The following PCSK5 variants were observed in gnomAD, a reference collection of about 807,000 sequenced individuals.
PCSK5 encodes prohormone convertase 5.
Under a neutral mutation model 233.2 loss-of-function variants are expected in PCSK5, and 129 were observed. The observed-to-expected ratio is 0.55, with a 90% CI of 0.48 to 0.64. The LOEUF (loss-of-function observed/expected upper bound fraction) is 0.64, where lower values mean the gene tolerates loss of function less well. PCSK5 is among the 30% of genes least tolerant of loss of function. The pLI, the probability that PCSK5 is intolerant of heterozygous loss-of-function variation, is 0.00. For missense variants in PCSK5, 2,076 were observed against 2,430.1 expected (o/e 0.85, Z 3.06); for synonymous variants, 825 against 879.2 (o/e 0.94, Z 1.09).
intron 24 of PCSK5, among the ~76,000 whole-genome samples, chr9:76,253,362 T>G (rs1040954677): frequency 3.9e-5 from 6 of 152,170 alleles, no homozygotes; most frequent in Non-Finnish European, 8.8e-5. Flanking sequence ...TAAACAGTTC[T>G]GTCTTTAAAA....
intron 3 of PCSK5, 90 bp from the exon 4 acceptor site, chr9:76,023,647 AG>A: frequency 2.5e-6 from 3 of 1,209,378 alleles, no homozygotes; most frequent in Non-Finnish European, 3.5e-6. Flanking sequence ...TGGGCAGCAG[AG>A]AAAAAAAAAA....
At position 76,073,887 on chromosome 9, in the gene PCSK5, T is replaced by A. The variant is rs1830558875; in HGVS notation, c.894+1989T>A. On this transcript the variant is annotated intron_variant, in intron 7 of 37. Coordinates refer to ENST00000674117, the MANE Select transcript of PCSK5 (RefSeq NM_001372043.1). ...AACTGGAAGCTTAGTGTGTAAAAAA[T>A]TAAAAATATGGTACTTTGGTTAAAA... Among the ~76,000 whole-genome samples the A allele has an allele frequency of 3.9e-5, 6 of 151,932 alleles. No individual in the cohort carries two copies. The South Asian group carries it at 1.2e-3, about 32-fold the overall frequency.
At chr9:76,114,177 G>C (rs967789729) in intron 9 of PCSK5, among the ~76,000 whole-genome samples, 3 of 152,036 alleles carry the variant, frequency 2.0e-5, no homozygotes, top group Non-Finnish European at 4.4e-5. Context: ...AGAATTAAAA[G>C]AAAACAAGGG....
At chr9:76,293,897 C>T (rs943296258) in intron 25 of PCSK5, among the ~76,000 whole-genome samples, 1 of 152,172 alleles carries the variant, frequency 6.6e-6, no homozygotes, top group Non-Finnish European at 1.5e-5. Flanking sequence ...GAGTGAAATG[C>T]CTTACAATAG....
rs1053737245 is a variant in PCSK5, at chr9:76,224,447, A to T, written c.2627-3056A>T. Among the ~76,000 whole-genome samples, 10 of 152,290 alleles carry T rather than the reference A, an allele frequency of 6.6e-5. No homozygotes were observed. The East Asian group carries it at 1.9e-3, about 29-fold the overall frequency. On this transcript the variant is annotated intron_variant, in intron 20 of 37. Transcript: ENST00000674117. Reference sequence around the variant, plus strand: ...AAAAAAAAGCCAAGGGAACTCAGACATCTTATTGCAAATGAGGAGGTGATG... The same window carrying T: ...AAAAAAAAGCCAAGGGAACTCAGACTTCTTATTGCAAATGAGGAGGTGATG...
intron 35 of PCSK5, 54 bp downstream of exon 35, chr9:76,338,501 C>T: frequency 7.5e-7 from 1 of 1,325,652 alleles, no homozygotes; most frequent in Middle Eastern, 1.8e-4. Context: ...AAAAGGTTTT[C>T]TTCCTTATTT....
In PCSK5 at chr9:76,353,329, A is replaced by G. The variant is rs75824254; in HGVS notation, c.5068-704A>G. Among the ~76,000 whole-genome samples, 755 of 152,310 alleles carry G rather than the reference A, an allele frequency of 5.0e-3. 9 individuals are homozygous for G. The highest frequency in any genetic ancestry group is 0.017 in the African/African-American group (690 of 41,556). On this transcript the variant is annotated intron_variant, in intron 36 of 37. Transcript: ENST00000674117. ...CTTCTCATCTCTCCACTCTCTTCCC[A>G]AAGAGATTTAACTACTTGAGCTACA...
intron 24 of PCSK5, chr9:76,287,354 C>T (rs1828110301): frequency 4.8e-6 from 1 of 209,148 alleles, no homozygotes. Flanking sequence ...GTGGCTTTCC[C>T]CAGCAGGCCA....
intron 24 of PCSK5, among the ~76,000 whole-genome samples, chr9:76,268,866 A>G (rs763285367): frequency 2.0e-5 from 3 of 152,216 alleles, no homozygotes; most frequent in Non-Finnish European, 4.4e-5. Flanking sequence ...AAAACAAAAA[A>G]CAAAAACAAA....
chr9:75,981,985 A>C (rs1355029694), intron 2 of PCSK5, among the ~76,000 whole-genome samples: 5 of 152,208 alleles, frequency 3.3e-5, no homozygotes, highest in Non-Finnish European at 5.9e-5. Flanking sequence ...TTATCTCTGT[A>C]TCCAGCCACT....
At chr9:76,041,502 T>C (rs1829114321) in intron 5 of PCSK5, among the ~76,000 whole-genome samples, 1 of 152,250 alleles carries the variant, frequency 6.6e-6, no homozygotes, top group Non-Finnish European at 1.5e-5. Flanking sequence ...GTTTTGCCTC[T>C]GTCTTCAAAC....
intron 24 of PCSK5, among the ~76,000 whole-genome samples, chr9:76,267,404 T>C (rs1412670217): frequency 6.6e-6 from 1 of 152,210 alleles, no homozygotes; most frequent in Non-Finnish European, 1.5e-5. Context: ...ATTGTTAGCC[T>C]GCTTTCTACT....
intron 36 of PCSK5, 132 bp downstream of exon 36, chr9:76,351,060 T>G: frequency 3.5e-6 from 2 of 572,440 alleles, no homozygotes; most frequent in East Asian, 6.1e-5. Context: ...ATGTTTAGTA[T>G]TTTAAAACCT....
chr9:76,275,997 T>G (rs1334025624), intron 24 of PCSK5, among the ~76,000 whole-genome samples: 2 of 152,340 alleles, frequency 1.3e-5, no homozygotes, highest in South Asian at 4.1e-4. Flanking sequence ...AAGTGTTTAT[T>G]ACTTCTAAGT....
rs139928305 is a variant in PCSK5 at position 76,189,208 on chromosome 9, A to G, written c.2495A>G (p.Tyr832Cys). 1 of 1,612,860 alleles carries G rather than the reference A, an allele frequency of 6.2e-7. No homozygotes were observed. Among genetic ancestry groups the G allele is most frequent in the Non-Finnish European group, 8.5e-7 (1 of 1,179,754 alleles). ...TTTGACCACTCTTCAGAGAATGGAT[A>G]CAAATCCTGCAAAAAGTAAGTGGAT... ...YYFDHSSENG[Y>C]KSCKKCDISC... Residue 832 changes from tyrosine (Y) to cysteine (C), a missense_variant, in exon 19 of 38, where the codon TAC becomes TGC. Physicochemically the swap from Tyr to Cys is radical, Grantham distance 194 (BLOSUM62 -2). This residue lies in a region of PCSK5 where 1,510 missense variants were observed against 1,538.1 expected (regional missense o/e 0.98). Transcript: ENST00000674117.
intron 16 of PCSK5, among the ~76,000 whole-genome samples, chr9:76,183,428 C>T (rs565267710): frequency 1.3e-5 from 2 of 152,310 alleles, no homozygotes; most frequent in African/African-American, 2.4e-5. Context: ...AACACATTTA[C>T]AGTGCTTAAT....
chr9:76,076,149 C>T (rs1830637645), intron 7 of PCSK5, among the ~76,000 whole-genome samples: 1 of 152,062 alleles, frequency 6.6e-6, no homozygotes, highest in Non-Finnish European at 1.5e-5. Flanking sequence ...GCAGAAGGAA[C>T]AGAAAGAGCA....
chr9:75,951,248 A>G lies in PCSK5; in HGVS notation c.297+18765A>G, dbSNP rs188785110. Among the ~76,000 whole-genome samples, 634 of 152,360 alleles carry G rather than the reference A, an allele frequency of 4.2e-3. 2 individuals carry two copies. The highest frequency in any genetic ancestry group is 6.2e-3 in the Non-Finnish European group (422 of 68,028). On this transcript the variant is annotated intron_variant, in intron 2 of 37. Coordinates refer to ENST00000674117, the MANE Select transcript of PCSK5 (RefSeq NM_001372043.1). ...TGGTCTTTTCCAGTTTCGTGACTGC[A>G]CAGCTTAGACTTTGGGGGACATTTG...
chr9:76,252,872 T>C (rs1826857148), intron 24 of PCSK5, among the ~76,000 whole-genome samples: 1 of 152,220 alleles, frequency 6.6e-6, no homozygotes, highest in South Asian at 2.1e-4. Context: ...TAATTTGCTA[T>C]TGCAGCAGAT....
Sources: gnomAD v4.1 joint callset for allele counts (sites outside exome capture counted in the v4.1 genomes callset) on GRCh38, gnomAD v4.1.1 for gene constraint, gnomAD v4.1.1 regional missense constraint, MANE v1.5 for transcripts, NCBI Gene and HGNC (gene_info 2026-07-23, HGNC 2026-07-21) for gene names.